HEATR5B: variants seen among roughly 807,000 people sequenced by gnomAD.
The protein encoded by HEATR5B is HEAT repeat-containing protein 5B.
In HEATR5B, 156 loss-of-function variants were observed where a neutral mutation model predicts 224.1. The observed-to-expected ratio is 0.70, with a 90% CI of 0.61 to 0.80. The LOEUF (loss-of-function observed/expected upper bound fraction) is 0.80, where lower values mean the gene tolerates loss of function less well. HEATR5B is among the 30% of genes least tolerant of loss of function. HEATR5B has a pLI of 0.00. For missense variants in HEATR5B, 2,323 were observed against 2,535.5 expected (o/e 0.92, Z 1.80); for synonymous variants, 1,027 against 893.0 (o/e 1.15, Z -2.68).
chr2:37,083,574 T>G, intron 1 of HEATR5B, 138 bp from the exon 2 acceptor site: 1 of 624,290 alleles, frequency 1.6e-6, no homozygotes, highest in African/African-American at 1.8e-5. Flanking sequence ...AGGCAAAACC[T>G]GAGAACATAC....
chr2:37,019,985 C>G, intron 25 of HEATR5B, 108 bp from the exon 26 acceptor site: 1 of 702,942 alleles, frequency 1.4e-6, no homozygotes, highest in Non-Finnish European at 2.4e-6. Flanking sequence ...CTCATTGCAA[C>G]CTCTGCCTCG....
At chr2:37,013,071 G>C (rs944505376) in intron 27 of HEATR5B, among the ~76,000 whole-genome samples, 2 of 152,234 alleles carry the variant, frequency 1.3e-5, no homozygotes, top group Non-Finnish European at 2.9e-5. Context: ...GAATGAATCA[G>C]AGGGTGGGAA....
intron 2 of HEATR5B, among the ~76,000 whole-genome samples, chr2:37,081,591 T>C (rs1572958580): frequency 6.6e-6 from 1 of 152,214 alleles, no homozygotes; most frequent in South Asian, 2.1e-4. Context: ...GGGAGTGAAG[T>C]TGTATGTACC....
intron 32 of HEATR5B, among the ~76,000 whole-genome samples, chr2:37,001,121 C>T (rs190456626): frequency 7.2e-5 from 11 of 152,112 alleles, no homozygotes; most frequent in Non-Finnish European, 1.6e-4. Context: ...AAAAGGAAGA[C>T]AGAAAAACAG....
At chr2:37,001,039 C>CA (rs1426477797) in intron 32 of HEATR5B, among the ~76,000 whole-genome samples, 1 of 151,934 alleles carries the variant, frequency 6.6e-6, no homozygotes, top group East Asian at 1.9e-4. Context: ...TTTCTTTTTC[C>CA]AGCTAGCCTT....
At chr2:36,983,446 G>C (rs9309000) in intron 35 of HEATR5B, among the ~76,000 whole-genome samples, 3,446 of 152,326 alleles carry the variant, frequency 0.023, 60 homozygotes, top group South Asian at 0.039. Flanking sequence ...GACTGAGGCA[G>C]GAGAATCGCT....
intron 29 of HEATR5B, among the ~76,000 whole-genome samples, chr2:37,006,590 G>A (rs1025391928): frequency 6.6e-6 from 1 of 152,160 alleles, no homozygotes; most frequent in Admixed American, 6.5e-5. Flanking sequence ...GCGGTGAACC[G>A]AGATTGCGCC....
At chr2:37,005,588 CA>C (rs370359832) in intron 30 of HEATR5B, 43 bp downstream of exon 30, 115 of 1,535,666 alleles carry the variant, frequency 7.5e-5, no homozygotes, top group Admixed American at 2.4e-4. Flanking sequence ...AAGCAATACT[CA>C]AAAAAAAACC....
rs775485172 is a variant in HEATR5B, at chr2:36,988,772, G to C, written c.5785C>G (p.Pro1929Ala). 6.2e-7 allele frequency: 1 copy of C among 1,614,008 alleles called. No individual in the cohort carries two copies. The highest frequency in any genetic ancestry group is 8.5e-7 in the Non-Finnish European group (1 of 1,179,962). The change falls in exon 35 of 36, where the codon CCA becomes GCA. Residue 1929 changes from proline (P) to alanine (A), a missense_variant. By Grantham distance (27) the Pro-to-Ala change is conservative. This residue lies in a region of HEATR5B where 844 missense variants were observed against 812.9 expected (regional missense o/e 1.04). Transcript: ENST00000233099. ...GCTTTTAGCTTTTCAACCACTATTG[G>C]AGCTAATGAATGAATATAAGGAGTT... Reference protein sequence around the residue: ...LSTPYIHSLAPIVVEKLKAVE... With the variant: ...LSTPYIHSLAAIVVEKLKAVE...
intron 27 of HEATR5B, 119 bp downstream of exon 27, chr2:37,013,722 T>C: frequency 2.9e-6 from 2 of 685,306 alleles, no homozygotes; most frequent in Non-Finnish European, 4.8e-6. Flanking sequence ...TCAAAAAGTA[T>C]TCCATATCAA....
intron 30 of HEATR5B, 119 bp from the exon 31 acceptor site, chr2:37,003,805 T>C (rs1316709220): frequency 1.7e-6 from 1 of 597,746 alleles, no homozygotes; most frequent in Non-Finnish European, 2.7e-6. Context: ...AAAATTAAAA[T>C]ATAGGACTAC....
At chr2:37,043,277 A>G (rs555870364) in intron 18 of HEATR5B, among the ~76,000 whole-genome samples, 8 of 152,354 alleles carry the variant, frequency 5.3e-5, no homozygotes, top group African/African-American at 1.9e-4. Flanking sequence ...ACAAAGCACA[A>G]TCAAATCAAT....
Position 37,000,737 on chromosome 2 carries a change from A to C in HEATR5B, c.5394T>G (p.Asp1798Glu). ...ILKDTAIKSA[D>E]NQVPPPVSAA... ...CACTGACTGGTGGAGGAACCTGATTATCTGCAGACTTTATTGCTGTGTCTT... is the reference window on the plus strand; with the variant it reads ...CACTGACTGGTGGAGGAACCTGATTCTCTGCAGACTTTATTGCTGTGTCTT... Residue 1798 changes from aspartate to glutamate, a missense_variant, in exon 33 of 36, where the codon GAT becomes GAG. Coordinates refer to ENST00000233099, the MANE Select transcript of HEATR5B (RefSeq NM_019024.3). 2 of 1,614,190 alleles carry C rather than the reference A, an allele frequency of 1.2e-6. No homozygotes were observed. The highest frequency in any genetic ancestry group is 1.7e-6 in the Non-Finnish European group (2 of 1,180,008).
chr2:36,983,505 C>T (rs1240041564), intron 35 of HEATR5B, among the ~76,000 whole-genome samples: 1 of 152,114 alleles, frequency 6.6e-6, no homozygotes. Context: ...TGCCATTGCA[C>T]TCCAGCCTGG....
chr2:37,041,669 C>T (rs1182912901), intron 18 of HEATR5B, among the ~76,000 whole-genome samples: 1 of 152,082 alleles, frequency 6.6e-6, no homozygotes, highest in Non-Finnish European at 1.5e-5. Context: ...CTGCTTGAGC[C>T]TGACAGGTGA....
chr2:37,077,080 T>C (rs752296074), intron 3 of HEATR5B, 61 bp from the exon 4 acceptor site: 10 of 1,368,326 alleles, frequency 7.3e-6, no homozygotes, highest in Admixed American at 2.0e-5. Context: ...TATACTTTTC[T>C]CATTTTTAGA....
At chr2:37,083,483 T>A in intron 1 of HEATR5B, 47 bp from the exon 2 acceptor site, 1 of 1,391,444 alleles carries the variant, frequency 7.2e-7, no homozygotes, top group South Asian at 1.2e-5. Flanking sequence ...TTTTTAATGT[T>A]AAAAGTCAAG....
chr2:36,984,025 C>A (rs1479138738), intron 35 of HEATR5B, among the ~76,000 whole-genome samples: 1 of 148,684 alleles, frequency 6.7e-6, no homozygotes, highest in Non-Finnish European at 1.5e-5. Context: ...ATGGTGAAAC[C>A]CTATCTCTAC....
Position 37,006,460 on chromosome 2 carries a change from G to A in HEATR5B, c.4777+590C>T, listed in dbSNP as rs199928714. Among the ~76,000 whole-genome samples, 224 of 152,286 alleles carry A rather than the reference G, an allele frequency of 1.5e-3. 1 individual carries two copies. The highest frequency in any genetic ancestry group is 8.5e-3 in the East Asian group (44 of 5,178). The stretch of plus-strand genomic sequence containing the variant: ...AGTTCGAGACCAGCCTGACCAACAT[G>A]GAGAAACCCCACCTCTACTAAAAAT... On this transcript the variant is annotated intron_variant, in intron 29 of 35. Coordinates refer to ENST00000233099, the MANE Select transcript of HEATR5B (RefSeq NM_019024.3).
Sources: gnomAD v4.1 joint callset for allele counts (sites outside exome capture counted in the v4.1 genomes callset) on GRCh38, gnomAD v4.1.1 for gene constraint, gnomAD v4.1.1 regional missense constraint, MANE v1.5 for transcripts, NCBI Gene and HGNC (gene_info 2026-07-23, HGNC 2026-07-21) for gene names.